The following NEGR1 variants were observed in gnomAD, a reference collection of about 807,000 sequenced individuals.
The protein encoded by NEGR1 is IgLON family member 4.
NEGR1 carries 10 observed loss-of-function variants against 40.9 expected under a neutral mutation model. The observed-to-expected ratio is 0.24, with a 90% confidence interval of 0.15 to 0.42. The LOEUF (loss-of-function observed/expected upper bound fraction) is 0.42. Among genes scored for constraint, NEGR1 ranks in the 10% least tolerant of loss-of-function variants. The pLI is 1.00. For synonymous variants in NEGR1, 185 were observed against 166.8 expected, an observed-to-expected ratio of 1.11 and a Z score of -0.84; for missense variants, 352 against 438.9, an observed-to-expected ratio of 0.80 and a Z score of 1.77.
chr1:72,156,094 C>A (rs545094174), intron 1 of NEGR1, among the ~76,000 whole-genome samples: 6 of 151,336 alleles, frequency 4.0e-5, no homozygotes, highest in Non-Finnish European at 8.8e-5. Flanking sequence ...AAGAAGTTAA[C>A]ATGATTCTTC....
chr1:72,164,748 A>T (rs1651707967), intron 1 of NEGR1, among the ~76,000 whole-genome samples: 1 of 151,834 alleles, frequency 6.6e-6, no homozygotes, highest in African/African-American at 2.4e-5. Flanking sequence ...CTTTATCATT[A>T]TAGAAAGAAA....
chr1:72,164,066 G>C (rs571744146), intron 1 of NEGR1, among the ~76,000 whole-genome samples: 1 of 151,774 alleles, frequency 6.6e-6, no homozygotes, highest in East Asian at 1.9e-4. Context: ...GGTTGGATGG[G>C]AAAGGAGGCT....
At chr1:71,532,980 GA>G (rs1190968146) in intron 6 of NEGR1, among the ~76,000 whole-genome samples, 10 of 151,590 alleles carry the variant, frequency 6.6e-5, no homozygotes, top group African/African-American at 2.4e-4. Flanking sequence ...AAACACTCAT[GA>G]GACAATCAAC....
At chr1:71,552,089 AG>A (rs1429771053) in intron 6 of NEGR1, among the ~76,000 whole-genome samples, 1 of 151,498 alleles carries the variant, frequency 6.6e-6, no homozygotes, top group African/African-American at 2.4e-5. Context: ...AGCTATAGCA[AG>A]AATCTTGCTC....
chr1:71,515,644 G>C (rs1647116788), intron 6 of NEGR1, among the ~76,000 whole-genome samples: 1 of 115,288 alleles, frequency 8.7e-6, no homozygotes, highest in Non-Finnish European at 1.7e-5. Context: ...AGACCATCCA[G>C]ACTAGGAAGA....
chr1:71,766,812 G>T (rs1210778951), intron 3 of NEGR1, among the ~76,000 whole-genome samples: 1 of 152,122 alleles, frequency 6.6e-6, no homozygotes, highest in Non-Finnish European at 1.5e-5. Context: ...TATCCCTTTA[G>T]TGCTGTTCTT....
At chr1:71,649,255 T>C (rs781480362) in intron 4 of NEGR1, among the ~76,000 whole-genome samples, 1 of 152,106 alleles carries the variant, frequency 6.6e-6, no homozygotes, top group Non-Finnish European at 1.5e-5. Context: ...AGTATAACTT[T>C]AAACCAGCAT....
intron 1 of NEGR1, among the ~76,000 whole-genome samples, chr1:72,105,999 C>A (rs935105582): frequency 6.6e-6 from 1 of 152,040 alleles, no homozygotes; most frequent in Non-Finnish European, 1.5e-5. Context: ...ATAAATATGA[C>A]TTTGCCCTAG....
chr1:71,786,580 A>G (rs1656916791), intron 2 of NEGR1, among the ~76,000 whole-genome samples: 1 of 152,164 alleles, frequency 6.6e-6, no homozygotes, highest in Non-Finnish European at 1.5e-5. Context: ...TGAGAGACTA[A>G]TGACTTATTT....
At chr1:71,797,173 T>C (rs1361772208) in intron 2 of NEGR1, among the ~76,000 whole-genome samples, 1 of 152,180 alleles carries the variant, frequency 6.6e-6, no homozygotes, top group Non-Finnish European at 1.5e-5. Flanking sequence ...ATCCATTACC[T>C]CATTTAGTAA....
At chr1:71,865,137 A>C (rs1045792696) in intron 2 of NEGR1, among the ~76,000 whole-genome samples, 6 of 152,148 alleles carry the variant, frequency 3.9e-5, no homozygotes, top group Admixed American at 6.6e-5. Flanking sequence ...TGGCCTCCTG[A>C]TTGCCATCTT....
chr1:71,609,994 G>A (rs1053989014), intron 5 of NEGR1, among the ~76,000 whole-genome samples: 2 of 152,074 alleles, frequency 1.3e-5, no homozygotes, highest in African/African-American at 2.4e-5. Context: ...CTCTCCTGCC[G>A]CCTAGTGAAG....
intron 1 of NEGR1, among the ~76,000 whole-genome samples, chr1:71,997,118 G>T (rs1326549442): frequency 6.6e-6 from 1 of 151,952 alleles, no homozygotes; most frequent in Non-Finnish European, 1.5e-5. Flanking sequence ...AGCTTCAGTT[G>T]TATGTATCAA....
chr1:72,044,321 G>T (rs1415230241), intron 1 of NEGR1, among the ~76,000 whole-genome samples: 1 of 137,154 alleles, frequency 7.3e-6, no homozygotes, highest in Non-Finnish European at 1.6e-5. Flanking sequence ...TTAGCACAAA[G>T]GTCTAAGTTA....
At chr1:71,776,647 C>T (rs988064865) in intron 2 of NEGR1, among the ~76,000 whole-genome samples, 5 of 151,920 alleles carry the variant, frequency 3.3e-5, no homozygotes, top group African/African-American at 1.2e-4. Context: ...ATGATGTTTT[C>T]CTTGTTGAAA....
At chr1:71,899,574 A>G (rs1286552607) in intron 2 of NEGR1, among the ~76,000 whole-genome samples, 2 of 152,222 alleles carry the variant, frequency 1.3e-5, no homozygotes, top group Non-Finnish European at 2.9e-5. Flanking sequence ...GTAGCATTTC[A>G]GTTTTCCAGT....
chr1:72,244,260 C>G (rs1654835311), intron 1 of NEGR1, among the ~76,000 whole-genome samples: 1 of 151,706 alleles, frequency 6.6e-6, no homozygotes, highest in Non-Finnish European at 1.5e-5. Flanking sequence ...GAATTTTCGT[C>G]TCTTAAATAA....
chr1:71,483,343 A>G (rs1315896994), intron 6 of NEGR1, among the ~76,000 whole-genome samples: 2 of 151,820 alleles, frequency 1.3e-5, no homozygotes, highest in African/African-American at 4.8e-5. Flanking sequence ...GCTCTGAGGA[A>G]AGGAATGACA....
At chr1:72,003,282 C>T (rs1646573732) in intron 1 of NEGR1, among the ~76,000 whole-genome samples, 1 of 151,440 alleles carries the variant, frequency 6.6e-6, no homozygotes, top group Non-Finnish European at 1.5e-5. Context: ...ACAATATTGA[C>T]TTTTACGGCT....
Sources: gnomAD v4.1 joint callset for allele counts (sites outside exome capture counted in the v4.1 genomes callset) on GRCh38, gnomAD v4.1.1 for gene constraint, MANE v1.5 for transcripts, NCBI Gene and HGNC (gene_info 2026-07-23, HGNC 2026-07-21) for gene names.